The following LAMA2 variants were observed in gnomAD, a reference collection of about 807,000 sequenced individuals.
LAMA2 encodes the protein laminin subunit alpha 2, also known as laminin subunit alpha-2.
A neutral mutation model predicts 364.8 loss-of-function variants in LAMA2; 269 were observed. The ratio of observed to expected loss-of-function variants is 0.74; its 90% CI spans 0.67 to 0.82. The LOEUF is 0.82. Ranked by LOEUF, LAMA2 falls within the 40% of genes least tolerant of loss-of-function variation. The pLI, the probability that LAMA2 is intolerant of heterozygous loss-of-function variation, is 0.00. For synonymous variants in LAMA2, 1,379 were observed against 1,370.6 expected (o/e 1.01, Z -0.14); for missense variants, 3,807 against 3,873.2 (o/e 0.98, Z 0.45).
intron 12 of LAMA2, among the ~76,000 whole-genome samples, chr6:129,205,891 T>C (rs2115061045): frequency 6.6e-6 from 1 of 151,570 alleles, no homozygotes; most frequent in South Asian, 2.1e-4. Context: ...GGTGTGGTGG[T>C]GTGTGCATGT....
chr6:129,133,029 A>G (rs930169364), intron 4 of LAMA2, among the ~76,000 whole-genome samples: 30 of 152,172 alleles, frequency 2.0e-4, no homozygotes, highest in Non-Finnish European at 3.1e-4. Context: ...CGTACATGCA[A>G]TCACACAAAG....
chr6:129,250,252 G>C lies in LAMA2; in HGVS notation c.1884+39G>C, dbSNP rs113727232. ...AGCATGTTCACCCGTGTTACTTCCT[G>C]ATGTTACTTAAGGTTACCAGTACTG... is the stretch of plus-strand genomic sequence containing the variant. On this transcript the variant is annotated intron_variant, in intron 13 of 64. Transcript: ENST00000421865. 3.1e-5 allele frequency: 38 copies of C among 1,234,738 alleles called. No individual in the cohort carries two copies. The African/African-American group carries it at 3.8e-4, about 12-fold the overall frequency. The allele number at this position is 1,234,738 out of a possible 1,614,324, so 76.5% of individuals were successfully genotyped here. A position where few individuals can be genotyped will look rare whatever the true frequency, so the allele number is the denominator to read the frequency against.
chr6:129,317,873 C>A (rs1774710165), intron 27 of LAMA2, among the ~76,000 whole-genome samples: 2 of 151,806 alleles, frequency 1.3e-5, no homozygotes, highest in South Asian at 4.2e-4. Context: ...ACACCAATTT[C>A]ACCTTCCTAC....
chr6:129,101,877 C>A (rs1198898094), intron 4 of LAMA2, among the ~76,000 whole-genome samples: 1 of 152,148 alleles, frequency 6.6e-6, no homozygotes, highest in Admixed American at 6.5e-5. Flanking sequence ...TCCCTCTGCT[C>A]TATGATTCTA....
At chr6:129,173,265 A>G (rs904675407) in intron 9 of LAMA2, among the ~76,000 whole-genome samples, 6 of 152,166 alleles carry the variant, frequency 3.9e-5, no homozygotes, top group African/African-American at 1.4e-4. Flanking sequence ...TTTTATCACC[A>G]TTACATATTG....
intron 4 of LAMA2, among the ~76,000 whole-genome samples, chr6:129,134,163 A>C (rs537598364): frequency 1.3e-5 from 2 of 152,188 alleles, no homozygotes; most frequent in Non-Finnish European, 2.9e-5. Flanking sequence ...CGTCTCACCA[A>C]TGTAGGTCAT....
At chr6:129,230,819 T>G (rs1420245195) in intron 12 of LAMA2, among the ~76,000 whole-genome samples, 1 of 151,992 alleles carries the variant, frequency 6.6e-6, no homozygotes, top group Non-Finnish European at 1.5e-5. Flanking sequence ...AAACTAGAGA[T>G]TAAAATAATT....
At chr6:129,419,284 CTCT>C (rs1562546710) in intron 40 of LAMA2, among the ~76,000 whole-genome samples, 1 of 152,116 alleles carries the variant, frequency 6.6e-6, no homozygotes, top group Non-Finnish European at 1.5e-5. Flanking sequence ...GACAATAATG[CTCT>C]TGGTGCCATC....
intron 1 of LAMA2, chr6:128,929,607 C>G (rs957382380): frequency 1.3e-5 from 18 of 1,354,044 alleles, no homozygotes; most frequent in Non-Finnish European, 1.8e-5. Flanking sequence ...GCCGCAAAAG[C>G]GCTTCCACGA....
Position 129,357,172 on chromosome 6 carries a change from G to T in LAMA2, c.4717+3815G>T, listed in dbSNP as rs549607986. Reference sequence around the variant, plus strand: ...TTCAAGAAACTTAAAAATGAACAAAGAAGCCATTATTTGCTTAACAGTAAA... The same window carrying T: ...TTCAAGAAACTTAAAAATGAACAAATAAGCCATTATTTGCTTAACAGTAAA... On this transcript the variant is annotated intron_variant, in intron 32 of 64. Transcript: ENST00000421865. Among the ~76,000 whole-genome samples the T allele has an allele frequency of 6.7e-4, 102 of 152,046 alleles. No individual in the cohort carries two copies. In the Middle Eastern group the frequency reaches 0.01, roughly 15 times the overall value.
intron 9 of LAMA2, among the ~76,000 whole-genome samples, chr6:129,174,848 T>TA (rs774338774): frequency 3.3e-5 from 5 of 152,198 alleles, no homozygotes; most frequent in Non-Finnish European, 7.4e-5. Context: ...CCTACCTACC[T>TA]ACCTATCTAT....
intron 1 of LAMA2, among the ~76,000 whole-genome samples, chr6:128,952,467 C>T (rs780534074): frequency 6.6e-6 from 1 of 152,040 alleles, no homozygotes; most frequent in Non-Finnish European, 1.5e-5. Flanking sequence ...ATAATTTCAG[C>T]CCTCAAGGAT....
chr6:128,933,458 T>C (rs574631443), intron 1 of LAMA2, among the ~76,000 whole-genome samples: 3 of 152,344 alleles, frequency 2.0e-5, no homozygotes, highest in South Asian at 4.1e-4. Context: ...GGTCATATTG[T>C]AGTACTATTT....
intron 51 of LAMA2, among the ~76,000 whole-genome samples, chr6:129,466,515 CT>C (rs1309824713): frequency 2.0e-5 from 3 of 151,936 alleles, no homozygotes; most frequent in African/African-American, 7.2e-5. Flanking sequence ...CAAAAACTGG[CT>C]TTGCAATTCT....
At chr6:128,929,769 A>C in intron 1 of LAMA2, 1 of 1,101,602 alleles carries the variant, frequency 9.1e-7, no homozygotes. Flanking sequence ...AAAACGTGTA[A>C]AACCACAACT....
intron 12 of LAMA2, among the ~76,000 whole-genome samples, chr6:129,225,381 G>C (rs1784180976): frequency 1.3e-5 from 2 of 152,116 alleles, no homozygotes; most frequent in African/African-American, 2.4e-5. Flanking sequence ...GCTAGCTTTT[G>C]AGTGTGTTTG....
intron 12 of LAMA2, among the ~76,000 whole-genome samples, chr6:129,200,331 CATATACACGTAT>C (rs1782173901): frequency 7.1e-6 from 1 of 141,378 alleles, no homozygotes; most frequent in African/African-American, 2.6e-5. Flanking sequence ...TACACATATA[CATATACACGTAT>C]ATGTGTACAC....
chr6:129,219,915 C>T lies in LAMA2; in HGVS notation c.1782+27062C>T, dbSNP rs996442478. Among the ~76,000 whole-genome samples the T allele has an allele frequency of 2.2e-3, 337 of 151,146 alleles. 2 individuals carry two copies. Among genetic ancestry groups the T allele is most frequent in the African/African-American group, 8.1e-3 (328 of 40,736 alleles). On this transcript the variant is annotated intron_variant, in intron 12 of 64. Coordinates refer to ENST00000421865, the MANE Select transcript of LAMA2 (RefSeq NM_000426.4). ...AGCACACCAGCATGGCACATGTATA[C>T]ATATGTAACTAACTGGCACATGGTG...
Position 129,328,354 on chromosome 6 carries a change from T to C in LAMA2, c.4253T>C (p.Val1418Ala). The change falls in exon 29 of 65, where the codon GTT (valine) becomes GCT (alanine). Residue 1418 changes from valine (V) to alanine (A), a missense_variant. Physicochemically the swap from Val to Ala is moderately conservative, Grantham distance 64. Coordinates refer to ENST00000421865, the MANE Select transcript of LAMA2 (RefSeq NM_000426.4). The part of the protein sequence containing the change: ...RTPGPTLGTC[V>A]PCQCNGHSSL... The stretch of plus-strand genomic sequence containing the variant: ...CCTGGACCAACCCTGGGCACCTGTG[T>C]TCCATGTCAATGTAATGGACACAGC... 1.9e-6 allele frequency: 3 copies of C among 1,614,236 alleles called. No homozygotes were observed. Among genetic ancestry groups the C allele is most frequent in the Non-Finnish European group, 2.5e-6 (3 of 1,180,030 alleles).
Sources: allele counts gnomAD v4.1 joint callset (sites outside exome capture counted in the v4.1 genomes callset), GRCh38; gene constraint gnomAD v4.1.1; transcripts MANE v1.5; gene names NCBI Gene and HGNC (gene_info 2026-07-23, HGNC 2026-07-21).